DPYD: variants seen among roughly 807,000 people sequenced by gnomAD.
DPYD encodes dihydropyrimidine dehydrogenase, also known as dihydropyrimidine dehydrogenase [NADP(+)].
DPYD carries 109 observed loss-of-function variants against 116.2 expected under a neutral mutation model. The observed-to-expected ratio is 0.94, with a 90% confidence interval of 0.80 to 1.10. The LOEUF is 1.10. DPYD is among the 50% of genes least tolerant of loss of function. The probability of loss-of-function intolerance (pLI) is 0.00; values close to 1 mark genes in which losing one functional copy is unlikely to be tolerated. For synonymous variants in DPYD, 440 were observed against 432.0 expected (o/e 1.02, Z -0.23); for missense variants, 1,302 against 1,254.5 (o/e 1.04, Z -0.57).
chr1:97,469,397 C>CAAAAAAAAAAAAACAAAAAAAA (rs1677504519), intron 13 of DPYD, among the ~76,000 whole-genome samples: 1 of 80,800 alleles, frequency 1.2e-5, no homozygotes, highest in Non-Finnish European at 2.1e-5. Flanking sequence ...GCTAAAATTG[C>CAAAAAAAAAAAAACAAAAAAAA]AAAAAAAAAA....
intron 2 of DPYD, among the ~76,000 whole-genome samples, chr1:97,882,449 A>G (rs1672275875): frequency 6.6e-6 from 1 of 152,028 alleles, no homozygotes; most frequent in Non-Finnish European, 1.5e-5. Flanking sequence ...AAAATCATAC[A>G]TTCTATAAGA....
intron 21 of DPYD, among the ~76,000 whole-genome samples, chr1:97,095,208 C>T (rs1176253717): frequency 6.6e-6 from 1 of 151,856 alleles, no homozygotes; most frequent in Non-Finnish European, 1.5e-5. Flanking sequence ...AGAGATTGAC[C>T]ATCCTTATTA....
At chr1:97,444,785 C>T (rs978161367) in intron 14 of DPYD, among the ~76,000 whole-genome samples, 13 of 152,062 alleles carry the variant, frequency 8.5e-5, no homozygotes, top group South Asian at 2.1e-4. Flanking sequence ...TCTTAACCGG[C>T]GGTCCAGAAA....
At chr1:97,845,254 C>A (rs1670234764) in intron 2 of DPYD, among the ~76,000 whole-genome samples, 1 of 152,152 alleles carries the variant, frequency 6.6e-6, no homozygotes, top group African/African-American at 2.4e-5. Context: ...ACTTACAGTG[C>A]TTTTTCTGGA....
At chr1:97,451,457 T>TA (rs1284766542) in intron 13 of DPYD, among the ~76,000 whole-genome samples, 10 of 152,218 alleles carry the variant, frequency 6.6e-5, no homozygotes, top group African/African-American at 2.4e-4. Context: ...GTATAAATGT[T>TA]ACAATAAGCC....
chr1:97,811,077 T>C (rs931063578), intron 3 of DPYD, among the ~76,000 whole-genome samples: 1 of 152,150 alleles, frequency 6.6e-6, no homozygotes, highest in African/African-American at 2.4e-5. Context: ...CCACTTACCC[T>C]TCTTTCAGAC....
chr1:97,883,397 G>A (rs1672326298), intron 1 of DPYD, 23 bp from the exon 2 acceptor site: 7 of 1,437,732 alleles, frequency 4.9e-6, no homozygotes, highest in Non-Finnish European at 6.9e-6. Flanking sequence ...TAAACAATGT[G>A]TAAATATATG....
At chr1:97,277,924 A>G (rs1467985426) in intron 18 of DPYD, among the ~76,000 whole-genome samples, 1 of 152,132 alleles carries the variant, frequency 6.6e-6, no homozygotes, top group East Asian at 1.9e-4. Context: ...TCACTCTCCT[A>G]TTCAACTTAC....
intron 1 of DPYD, among the ~76,000 whole-genome samples, chr1:97,888,674 C>T (rs1672624812): frequency 6.6e-6 from 1 of 151,206 alleles, no homozygotes; most frequent in Admixed American, 6.6e-5. Context: ...ATAAGTTTAA[C>T]AGTGAATTTC....
chr1:97,506,470 T>C (rs961349303), intron 13 of DPYD, among the ~76,000 whole-genome samples: 5 of 151,958 alleles, frequency 3.3e-5, no homozygotes, highest in Non-Finnish European at 7.4e-5. Context: ...AGCAGGACTG[T>C]ACTTTAAGGA....
chr1:97,082,626 T>G (rs1649240389), intron 21 of DPYD, among the ~76,000 whole-genome samples, 156 bp from the exon 22 acceptor site: 1 of 152,190 alleles, frequency 6.6e-6, no homozygotes, highest in African/African-American at 2.4e-5. Flanking sequence ...CTTTTTATGA[T>G]AATTATAGCT....
At chr1:97,594,142 T>A (rs543008880) in intron 9 of DPYD, among the ~76,000 whole-genome samples, 3 of 152,196 alleles carry the variant, frequency 2.0e-5, no homozygotes, top group Non-Finnish European at 4.4e-5. Flanking sequence ...TAAAACTGTT[T>A]ATAAGATCAA....
chr1:97,342,965 T>A (rs903246188), intron 16 of DPYD, among the ~76,000 whole-genome samples: 1 of 152,074 alleles, frequency 6.6e-6, no homozygotes, highest in East Asian at 1.9e-4. Context: ...CAGTTACATC[T>A]CCTGTATTTG....
chr1:97,307,654 A>G, intron 16 of DPYD, among the ~76,000 whole-genome samples: 1 of 151,904 alleles, frequency 6.6e-6, no homozygotes, highest in East Asian at 1.9e-4. Flanking sequence ...TTCATTAAAC[A>G]TAAATATTAA....
chr1:97,398,449 T>C (rs963100477), intron 14 of DPYD, among the ~76,000 whole-genome samples: 3 of 152,184 alleles, frequency 2.0e-5, no homozygotes, highest in East Asian at 1.9e-4. Flanking sequence ...TATAGTCCTT[T>C]GGGTATATAC....
chr1:97,124,043 C>G (rs971720691), intron 20 of DPYD, among the ~76,000 whole-genome samples: 35 of 152,034 alleles, frequency 2.3e-4, no homozygotes, highest in African/African-American at 8.5e-4. Context: ...ATGGATTTTG[C>G]TTCATTAAAC....
chr1:97,267,159 G>A (rs536706126), intron 18 of DPYD, among the ~76,000 whole-genome samples: 10 of 152,230 alleles, frequency 6.6e-5, no homozygotes, highest in African/African-American at 1.4e-4. Context: ...GTGTAAAAGC[G>A]TTTCTATTTC....
chr1:97,751,291 T>C lies in DPYD; in HGVS notation c.234-10812A>G, dbSNP rs1012835045. On this transcript the variant is annotated intron_variant, in intron 3 of 22. Coordinates refer to ENST00000370192, the MANE Select transcript of DPYD (RefSeq NM_000110.4). ...AGAGGGCTTTCAAAATATATATATA[T>C]ACACACACATATATATACACATATA... 6.0e-4 allele frequency among the ~76,000 whole-genome samples: 89 copies of C among 148,854 alleles called. 1 individual carries two copies. Among genetic ancestry groups the C allele is most frequent in the Admixed American group, 5.3e-3 (78 of 14,782 alleles).
At chr1:97,832,759 T>C (rs1669597609) in intron 2 of DPYD, among the ~76,000 whole-genome samples, 1 of 152,188 alleles carries the variant, frequency 6.6e-6, no homozygotes, top group African/African-American at 2.4e-5. Flanking sequence ...GAGTTTCAAC[T>C]GTGATAGATT....
Sources: gnomAD v4.1 joint callset for allele counts (sites outside exome capture counted in the v4.1 genomes callset) on GRCh38, gnomAD v4.1.1 for gene constraint, MANE v1.5 for transcripts, NCBI Gene and HGNC (gene_info 2026-07-23, HGNC 2026-07-21) for gene names.